CFAP57: variants seen among roughly 807,000 people sequenced by gnomAD.
CFAP57 encodes the protein cilia and flagella associated protein 57.
Under a neutral mutation model 146.8 loss-of-function variants are expected in CFAP57, and 116 were observed. The ratio of observed to expected loss-of-function variants is 0.79; its 90% confidence interval spans 0.68 to 0.92. The LOEUF (loss-of-function observed/expected upper bound fraction) is 0.92, where lower values mean the gene tolerates loss of function less well. Among genes scored for constraint, CFAP57 ranks in the 40% least tolerant of loss-of-function variants. CFAP57 has a pLI of 0.00. For missense variants in CFAP57, 1,377 were observed against 1,527.2 expected, an observed-to-expected ratio of 0.90 and a Z score of 1.64; for synonymous variants, 518 against 552.8, an observed-to-expected ratio of 0.94 and a Z score of 0.88.
chr1:43,203,146 C>G (rs927051930), intron 9 of CFAP57, among the ~76,000 whole-genome samples: 2 of 152,056 alleles, frequency 1.3e-5, no homozygotes, highest in Non-Finnish European at 2.9e-5. Flanking sequence ...GCAGTCTAGC[C>G]TGGGCAGCAG....
intron 3 of CFAP57, among the ~76,000 whole-genome samples, chr1:43,183,363 G>A (rs1645497602): frequency 6.6e-6 from 1 of 152,028 alleles, no homozygotes; most frequent in Non-Finnish European, 1.5e-5. Context: ...TCTGCTCTTT[G>A]GCCTTTGTAG....
intron 18 of CFAP57, among the ~76,000 whole-genome samples, chr1:43,227,723 G>A (rs932863384): frequency 7.2e-5 from 11 of 152,004 alleles, no homozygotes; most frequent in Non-Finnish European, 1.3e-4. Context: ...CCCACCACAC[G>A]CCACCTTTCC....
Position 43,183,621 on chromosome 1 carries a change from G to C in CFAP57, c.505G>C (p.Val169Leu), listed in dbSNP as rs767278420. 2.5e-6 allele frequency: 4 copies of C among 1,614,158 alleles called. No individual in the cohort carries two copies. In the South Asian group the frequency reaches 4.4e-5, roughly 18 times the overall value. The change falls in exon 4 of 23, where the codon GTG becomes CTG. Residue 169 changes from valine (V) to leucine (L), a missense_variant. Physicochemically the swap from Val to Leu is conservative, Grantham distance 32 (BLOSUM62 1). Transcript: ENST00000372492. The part of the protein sequence containing the change: ...VSFSPQDNTQ[V>L]CVTGNGMFKL... ...CTTCAGTCCACAGGATAACACTCAG[G>C]TGTGTGTCACTGGAAATGGGATGTT...
chr1:43,205,824 T>C (rs678101), intron 9 of CFAP57, among the ~76,000 whole-genome samples: 38,206 of 150,462 alleles, frequency 0.25, 6,627 homozygotes, highest in African/African-American at 0.48. Context: ...CTTGGCCACA[T>C]CTGCCCAGAG....
At chr1:43,195,756 C>G (rs4354576) in intron 6 of CFAP57, among the ~76,000 whole-genome samples, 3 of 152,114 alleles carry the variant, frequency 2.0e-5, no homozygotes, top group African/African-American at 7.2e-5. Flanking sequence ...AGAAAGAGAT[C>G]TGAAGCACAA....
intron 11 of CFAP57, among the ~76,000 whole-genome samples, chr1:43,213,520 C>G (rs1434797823): frequency 7.4e-5 from 11 of 149,350 alleles, no homozygotes; most frequent in South Asian, 4.2e-4. Context: ...GGCGGTGGAG[C>G]GCAGGTATCC....
At chr1:43,210,400 A>C (rs1389887845) in intron 11 of CFAP57, 2 of 1,216,420 alleles carry the variant, frequency 1.6e-6, no homozygotes, top group African/African-American at 3.1e-5. Flanking sequence ...TCTATGTTCA[A>C]CAGTCAAAAT....
At chr1:43,236,168 C>G (rs572777425) in intron 21 of CFAP57, among the ~76,000 whole-genome samples, 3 of 151,980 alleles carry the variant, frequency 2.0e-5, no homozygotes, top group Admixed American at 1.3e-4. Context: ...TTTTCTCCAG[C>G]AGCATTGTAA....
At position 43,201,510 on chromosome 1, in the gene CFAP57, G is replaced by C. The variant is rs1046124499; in HGVS notation, c.1542+2007G>C. On this transcript the variant is annotated intron_variant, in intron 9 of 22. Coordinates refer to ENST00000372492, the MANE Select transcript of CFAP57 (RefSeq NM_001378189.1). This position sits in a 1 kb window ranked among gnomAD's most constrained non-coding sequence, Gnocchi z 4.4. ...AGCATTTTTGTTTGTTTTTGAGACG[G>C]AGTCTCACTCTGTCACCCAGGCTGG... Among the ~76,000 whole-genome samples, 1 of 152,236 alleles carries C rather than the reference G, an allele frequency of 6.6e-6. No homozygotes were observed. The highest frequency in any genetic ancestry group is 2.4e-5 in the African/African-American group (1 of 41,470).
chr1:43,212,107 C>T (rs1335825618), intron 11 of CFAP57, among the ~76,000 whole-genome samples: 1 of 152,174 alleles, frequency 6.6e-6, no homozygotes, highest in Non-Finnish European at 1.5e-5. Context: ...ATCAGTTTCC[C>T]CCAGTAATTA....
intron 21 of CFAP57, among the ~76,000 whole-genome samples, chr1:43,236,470 C>G (rs963361421): frequency 2.0e-5 from 3 of 151,778 alleles, no homozygotes; most frequent in Non-Finnish European, 4.4e-5. Flanking sequence ...ACTCAAGGAG[C>G]CACCTTGCCT....
At chr1:43,175,334 A>T (rs72968430) in intron 2 of CFAP57, among the ~76,000 whole-genome samples, 3,339 of 151,930 alleles carry the variant, frequency 0.022, 63 homozygotes, top group South Asian at 0.065. Flanking sequence ...GTATATATAC[A>T]TACATATAGA....
At chr1:43,217,266 T>G (rs941953599) in intron 12 of CFAP57, among the ~76,000 whole-genome samples, 2 of 152,138 alleles carry the variant, frequency 1.3e-5, no homozygotes, top group African/African-American at 4.8e-5. Context: ...ATTCATAAAT[T>G]TAAGCTGGGG....
intron 2 of CFAP57, among the ~76,000 whole-genome samples, chr1:43,180,835 G>A (rs1304594594): frequency 6.6e-6 from 1 of 152,096 alleles, no homozygotes; most frequent in Non-Finnish European, 1.5e-5. Flanking sequence ...AGACCTCTAT[G>A]GTCTGACCCT....
At chr1:43,175,840 T>C (rs1645150015) in intron 2 of CFAP57, among the ~76,000 whole-genome samples, 1 of 149,920 alleles carries the variant, frequency 6.7e-6, no homozygotes, top group Admixed American at 6.7e-5. Context: ...TTTGAACTCT[T>C]ATTTGGATTT....
At chr1:43,177,160 GAGAA>G (rs1412456178) in intron 2 of CFAP57, 1 of 456,298 alleles carries the variant, frequency 2.2e-6, no homozygotes. Flanking sequence ...ATTTAAGGAG[GAGAA>G]AGAAAGGAAG....
At chr1:43,208,466 A>T (rs976928713) in intron 10 of CFAP57, among the ~76,000 whole-genome samples, 2 of 152,240 alleles carry the variant, frequency 1.3e-5, no homozygotes, top group Non-Finnish European at 2.9e-5. Flanking sequence ...ATGCAGCCAT[A>T]AAAAAGGATG....
Position 43,209,889 on chromosome 1 carries a change from C to T in CFAP57, c.1902C>T (p.Tyr634=). ...PLPLQKEFNE[Y]QAHAGPITKM... is the part of the protein sequence containing the mutation. ...CTCTGCAGAAGGAATTCAATGAGTA[C>T]CAGGCCCATGCCGGTCCTATCACCA... is the stretch of plus-strand genomic sequence containing the variant. The change falls in exon 11 of 23, where the codon TAC becomes TAT. Residue 634 remains tyrosine, a synonymous_variant. Transcript: ENST00000372492. 1 of 1,614,250 alleles carries T rather than the reference C, an allele frequency of 6.2e-7. No homozygotes were observed. Among genetic ancestry groups the T allele is most frequent in the Non-Finnish European group, 8.5e-7 (1 of 1,180,048 alleles).
chr1:43,190,717 TC>T (rs147628633), intron 6 of CFAP57, among the ~76,000 whole-genome samples: 27,107 of 151,474 alleles, frequency 0.18, 3,475 homozygotes, highest in African/African-American at 0.34. Flanking sequence ...ATTTTTTTTT[TC>T]CTGTGTCTAT....
Sources: allele counts gnomAD v4.1 joint callset (sites outside exome capture counted in the v4.1 genomes callset), GRCh38; gene constraint gnomAD v4.1.1; non-coding constraint Gnocchi (gnomAD v3.1); transcripts MANE v1.5; gene names NCBI Gene and HGNC (gene_info 2026-07-23, HGNC 2026-07-21).